Variants in FMNL3 observed in about 807,000 individuals in gnomAD.
The protein encoded by FMNL3 is formin-like protein 3.
Under a neutral mutation model 119.6 loss-of-function variants are expected in FMNL3, and 57 were observed. The ratio of observed to expected loss-of-function variants is 0.48; its 90% CI spans 0.39 to 0.59. FMNL3 has a LOEUF of 0.59. FMNL3 is among the 20% of genes least tolerant of loss of function. FMNL3 has a pLI of 0.00. For synonymous variants in FMNL3, 491 were observed against 507.3 expected (o/e 0.97, Z 0.43); for missense variants, 1,053 against 1,323.5 (o/e 0.80, Z 3.17).
In FMNL3 at chr12:49,658,582, C is replaced by T. The variant is rs1404135519; in HGVS notation, c.465G>A (p.Glu155=). 3.1e-6 allele frequency: 5 copies of T among 1,609,274 alleles called. No individual in the cohort carries two copies. The South Asian group carries it at 4.4e-5, about 14-fold the overall frequency. The change falls in exon 6 of 26, where the codon GAG becomes GAA. Residue 155 remains glutamate (E), a synonymous_variant. Transcript: ENST00000335154. The part of the protein sequence containing the change: ...FAQCSVMFDF[E]GLESGDDGAF... Reference sequence around the variant, plus strand: ...CACCATCGTCACCACTTTCCAGACCCTCAAAGTCAAACCTGGAGCATGAAA... The same window carrying T: ...CACCATCGTCACCACTTTCCAGACCTTCAAAGTCAAACCTGGAGCATGAAA...
chr12:49,689,309 G>A (rs1226222717), intron 1 of FMNL3, among the ~76,000 whole-genome samples: 2 of 152,162 alleles, frequency 1.3e-5, no homozygotes, highest in African/African-American at 2.4e-5. Flanking sequence ...TGAGGATTGA[G>A]CATTTATCTC....
chr12:49,645,743 G>A lies in FMNL3; in HGVS notation c.*72C>T, dbSNP rs1268173027. On this transcript the variant is annotated 3_prime_UTR_variant, in exon 26 of 26. Transcript: ENST00000335154. ...CAACACAGCCCTCTCCTGAGCCCTTGGCCAATTCCAGGTCCACTGGTTGGA... is the reference window on the plus strand; with the variant it reads ...CAACACAGCCCTCTCCTGAGCCCTTAGCCAATTCCAGGTCCACTGGTTGGA... The A allele has an allele frequency of 1.5e-6, 2 of 1,353,218 alleles. No homozygotes were observed. The highest frequency in any genetic ancestry group is 1.5e-5 in the African/African-American group (1 of 67,232). 83.8% of individuals were successfully genotyped at this position (1,353,218 alleles called of 1,614,324 possible). A position where few individuals can be genotyped will look rare whatever the true frequency, so the allele number is the denominator to read the frequency against.
chr12:49,644,363 A>G lies in FMNL3; in HGVS notation c.*1452T>C. 4 of 735,874 alleles carry G rather than the reference A, an allele frequency of 5.4e-6. No individual in the cohort carries two copies. The highest frequency in any genetic ancestry group is 9.1e-6 in the Non-Finnish European group (4 of 437,180). The allele number at this position is 735,874 out of a possible 1,614,324, so 45.6% of individuals were successfully genotyped here. A position where few individuals can be genotyped will look rare whatever the true frequency, so the allele number is the denominator to read the frequency against. ...CTCTCAAGGTTGCTCTTGGTGTTCA[A>G]GGGTCCCCTACTCCCTGGACTAGTG... is the stretch of plus-strand genomic sequence containing the variant. On this transcript the variant is annotated 3_prime_UTR_variant, in exon 26 of 26. Transcript: ENST00000335154.
At position 49,641,804 on chromosome 12, in the gene FMNL3, C is replaced by A; in HGVS notation, c.*4011G>T. ...AGACCACAGTCCTGTGGATCTCTTC[C>A]AGAGGCAAGGGCCTTCTTGACCATC... is the stretch of plus-strand genomic sequence containing the variant. On this transcript the variant is annotated 3_prime_UTR_variant, in exon 26 of 26. Transcript: ENST00000335154. The A allele has an allele frequency of 2.2e-6, 2 of 915,346 alleles. No homozygotes were observed. Among genetic ancestry groups the A allele is most frequent in the Non-Finnish European group, 3.5e-6 (2 of 574,980 alleles). 56.7% of individuals were successfully genotyped at this position (915,346 alleles called of 1,614,324 possible). A position where few individuals can be genotyped will look rare whatever the true frequency, so the allele number is the denominator to read the frequency against.
rs1227480834 is a variant in FMNL3, at chr12:49,639,437, G to C, written c.*6378C>G. On this transcript the variant is annotated 3_prime_UTR_variant, in exon 26 of 26. Coordinates refer to ENST00000335154, the MANE Select transcript of FMNL3 (RefSeq NM_175736.5). ...GGAGAAAAGTCAGTAGGCTGTGCAG[G>C]AATCTTGTAGGAGGTGATCCTAGCC... 1 of 152,370 alleles carries C rather than the reference G, an allele frequency of 6.6e-6. No individual in the cohort carries two copies. The highest frequency in any genetic ancestry group is 6.5e-5 in the Admixed American group (1 of 15,284). 9.4% of individuals were successfully genotyped at this position (152,370 alleles called of 1,614,324 possible).
intron 9 of FMNL3, 82 bp from the exon 10 acceptor site, chr12:49,655,066 T>C (rs370021145): frequency 2.3e-6 from 3 of 1,293,982 alleles, no homozygotes; most frequent in South Asian, 1.3e-5. Flanking sequence ...AGGAACATCA[T>C]GGCAAAGGAC....
Position 49,643,973 on chromosome 12 carries a change from G to C in FMNL3, c.*1842C>G. On this transcript the variant is annotated 3_prime_UTR_variant, in exon 26 of 26. Transcript: ENST00000335154. ...CTCCAACAGGCAGAGCTCCCTAACC[G>C]TTCCCCAGGCTTTGGAATCAAGAAG... 6.2e-7 allele frequency: 1 copy of C among 1,614,186 alleles called. No individual in the cohort carries two copies. The highest frequency in any genetic ancestry group is 8.5e-7 in the Non-Finnish European group (1 of 1,180,032).
chr12:49,664,167 C>G (rs1943820303), intron 4 of FMNL3, among the ~76,000 whole-genome samples: 1 of 152,202 alleles, frequency 6.6e-6, no homozygotes, highest in Non-Finnish European at 1.5e-5. Context: ...ATGGCTTGAG[C>G]CTGGGAGGCA....
chr12:49,668,524 G>A lies in FMNL3; in HGVS notation c.157C>T (p.Arg53Trp), dbSNP rs372559306. The change falls in exon 2 of 26, where the codon CGG (arginine) becomes TGG (tryptophan). Residue 53 changes from arginine (R) to tryptophan (W), a missense_variant. Arg to Trp is a moderately radical substitution (Grantham distance 101, BLOSUM62 -3). This residue lies in a region of FMNL3 where 264 missense variants were observed against 265.5 expected (regional missense o/e 0.99). Transcript: ENST00000335154. ...TCATTGTCATACTGCCGCAGGAGCC[G>A]GGCCTTGTCTGGAGGCAGGTTCATG... ...SSMNLPPDKA[R>W]LLRQYDNEKK... 19 of 1,613,976 alleles carry A rather than the reference G, an allele frequency of 1.2e-5. No individual in the cohort carries two copies. The highest frequency in any genetic ancestry group is 4.0e-5 in the African/African-American group (3 of 74,902).
At position 49,643,983 on chromosome 12, in the gene FMNL3, C is replaced by T. The variant is rs1701400190; in HGVS notation, c.*1832G>A. 6.2e-7 allele frequency: 1 copy of T among 1,614,170 alleles called. No individual in the cohort carries two copies. The highest frequency in any genetic ancestry group is 8.5e-7 in the Non-Finnish European group (1 of 1,180,026). On this transcript the variant is annotated 3_prime_UTR_variant, in exon 26 of 26. Coordinates refer to ENST00000335154, the MANE Select transcript of FMNL3 (RefSeq NM_175736.5). Reference sequence around the variant, plus strand: ...CAGAGCTCCCTAACCGTTCCCCAGGCTTTGGAATCAAGAAGGAGAAGGTGA... The same window carrying T: ...CAGAGCTCCCTAACCGTTCCCCAGGTTTTGGAATCAAGAAGGAGAAGGTGA...
At position 49,647,763 on chromosome 12, in the gene FMNL3, G is replaced by C; in HGVS notation, c.2718C>G (p.Pro906=). ...AGAATACAGAAGGAGGTGTAGTCTT[G>C]GGACTCTCGCCAAAGTAGCGCACAA... ...NAVVRYFGES[P]KTTPPSVFFP... Residue 906 remains proline (P), a synonymous_variant, in exon 23 of 26, where the codon CCC becomes CCG. Transcript: ENST00000335154. This position sits in a 1 kb window ranked among gnomAD's most constrained non-coding sequence, Gnocchi z 4.9. 1 of 1,613,586 alleles carries C rather than the reference G, an allele frequency of 6.2e-7. No homozygotes were observed. Among genetic ancestry groups the C allele is most frequent in the Non-Finnish European group, 8.5e-7 (1 of 1,179,804 alleles).
chr12:49,646,893 G>A lies in FMNL3; in HGVS notation c.2988C>T (p.Ile996=), dbSNP rs1943216165. 1.2e-6 allele frequency: 2 copies of A among 1,613,846 alleles called. No individual in the cohort carries two copies. The highest frequency in any genetic ancestry group is 1.3e-5 in the African/African-American group (1 of 74,868). The stretch of plus-strand genomic sequence containing the variant: ...GAGTGAAAAGGGCCCCACCTGTGAT[G>A]ATGTCCTCGATGGTACCATCCTTCC... ...YEGKDGTIED[I]ITGLHCQPMV... is the part of the protein sequence containing the mutation. The change falls in exon 25 of 26, where the codon ATC becomes ATT. Residue 996 remains isoleucine (I), a synonymous_variant. Coordinates refer to ENST00000335154, the MANE Select transcript of FMNL3 (RefSeq NM_175736.5).
At chr12:49,687,096 CTT>C (rs35284603) in intron 1 of FMNL3, among the ~76,000 whole-genome samples, 53 of 142,314 alleles carry the variant, frequency 3.7e-4, no homozygotes, top group African/African-American at 1.1e-3. Flanking sequence ...TTCCCCATTC[CTT>C]TTTTTTTTTT....
intron 1 of FMNL3, among the ~76,000 whole-genome samples, chr12:49,705,899 T>C (rs1945036041): frequency 6.6e-6 from 1 of 152,234 alleles, no homozygotes; most frequent in South Asian, 2.1e-4. Flanking sequence ...ACAGCTCCAC[T>C]GTTGCCAACA....
intron 9 of FMNL3, 125 bp from the exon 10 acceptor site, chr12:49,655,109 T>C (rs756113872): frequency 5.6e-5 from 46 of 816,650 alleles, no homozygotes; most frequent in Admixed American, 3.3e-4. Flanking sequence ...CAGCTCTATA[T>C]ATGAAATAGG....
At chr12:49,703,774 C>T (rs115960915) in intron 1 of FMNL3, among the ~76,000 whole-genome samples, 1,548 of 152,272 alleles carry the variant, frequency 0.01, 30 homozygotes, top group African/African-American at 0.035. Flanking sequence ...CTTTGGCTGA[C>T]AGATCATGTG....
intron 4 of FMNL3, among the ~76,000 whole-genome samples, chr12:49,664,795 G>A (rs1440510082): frequency 6.6e-6 from 1 of 152,174 alleles, no homozygotes; most frequent in Non-Finnish European, 1.5e-5. Flanking sequence ...ACACACAGGT[G>A]TCCCCTCCCT....
chr12:49,664,020 A>G (rs892996558), intron 4 of FMNL3, among the ~76,000 whole-genome samples: 1 of 152,158 alleles, frequency 6.6e-6, no homozygotes, highest in Admixed American at 6.5e-5. Flanking sequence ...AGGCCAAGAC[A>G]GGCAGATCAC....
rs570943890 is a variant in FMNL3, at chr12:49,700,938, G to A, written c.126+6117C>T. ...CTAAAAATACAAAAAAATTAGCCAG[G>A]CGTGGTGGTGGGCGTCTGTAATCCC... On this transcript the variant is annotated intron_variant, in intron 1 of 25. Transcript: ENST00000335154. Among the ~76,000 whole-genome samples, 23 of 151,528 alleles carry A rather than the reference G, an allele frequency of 1.5e-4. 1 individual carries two copies. In the South Asian group the frequency reaches 4.8e-3, roughly 32 times the overall value.
Sources: allele counts gnomAD v4.1 joint callset (sites outside exome capture counted in the v4.1 genomes callset), GRCh38; gene constraint gnomAD v4.1.1; regional missense constraint gnomAD v4.1.1; non-coding constraint Gnocchi (gnomAD v3.1); transcripts MANE v1.5; gene names NCBI Gene and HGNC (gene_info 2026-07-23, HGNC 2026-07-21).